The following ADAM19 variants were observed in gnomAD, a reference collection of about 807,000 sequenced individuals.
ADAM19 encodes disintegrin and metalloproteinase domain-containing protein 19.
ADAM19 carries 65 observed loss-of-function variants against 114.7 expected under a neutral mutation model. The observed-to-expected ratio is 0.57, with a 90% confidence interval of 0.46 to 0.70. ADAM19 has a LOEUF of 0.70. Among genes scored for constraint, ADAM19 ranks in the 30% least tolerant of loss-of-function variants. The pLI is 0.00. For missense variants in ADAM19, 1,063 were observed against 1,204.7 expected (o/e 0.88, Z 1.74); for synonymous variants, 466 against 460.5 (o/e 1.01, Z -0.15).
At chr5:157,568,501 C>A (rs1757732020) in intron 2 of ADAM19, 1 of 152,204 alleles carries the variant, frequency 6.6e-6, no homozygotes, top group Admixed American at 6.5e-5. Context: ...GCACCATCAG[C>A]TCTCCTCTCC....
chr5:157,490,246 C>T, intron 19 of ADAM19, 64 bp downstream of exon 19: 1 of 1,585,188 alleles, frequency 6.3e-7, no homozygotes, highest in Non-Finnish European at 8.6e-7. Context: ...TTGCTAAGTA[C>T]CATTTATGGA....
intron 3 of ADAM19, among the ~76,000 whole-genome samples, chr5:157,554,920 A>G (rs921974077): frequency 2.8e-4 from 43 of 152,188 alleles, no homozygotes; most frequent in African/African-American, 9.7e-4. Context: ...ACCTGCCTGG[A>G]TTACACTATC....
In ADAM19 at chr5:157,478,665, G is replaced by A. The variant is rs1168251360; in HGVS notation, c.*2284C>T. ...GAACAGAGCCAGGAGTGAAGCATTA[G>A]TAGAACTGGTTGCCGAAAGTCTATC... On this transcript the variant is annotated 3_prime_UTR_variant, in exon 23 of 23. Coordinates refer to ENST00000257527, the MANE Select transcript of ADAM19 (RefSeq NM_033274.5). 3.0e-6 allele frequency: 3 copies of A among 985,782 alleles called. No individual in the cohort carries two copies. The Admixed American group carries it at 1.8e-4, about 61-fold the overall frequency. The allele number at this position is 985,782 out of a possible 1,614,324, so 61.1% of individuals were successfully genotyped here.
intron 21 of ADAM19, among the ~76,000 whole-genome samples, chr5:157,483,797 C>T (rs1754839398): frequency 1.3e-5 from 2 of 152,034 alleles, no homozygotes; most frequent in Admixed American, 1.3e-4. Flanking sequence ...CCATGCCCAG[C>T]TAATTTTTGT....
chr5:157,530,763 T>G (rs762308974), intron 5 of ADAM19, 44 bp downstream of exon 5: 2 of 1,539,104 alleles, frequency 1.3e-6, no homozygotes, highest in East Asian at 2.2e-5. Context: ...CTTCCATTCC[T>G]GGGGAGAGTG....
rs375646707 is a variant in ADAM19, at chr5:157,481,028, A to G, written c.2704-26T>C. On this transcript the variant is annotated intron_variant, in intron 22 of 22. Coordinates refer to ENST00000257527, the MANE Select transcript of ADAM19 (RefSeq NM_033274.5). Reference sequence around the variant, plus strand: ...CTGGGAAGAAAAAGAAGGGAGGGAGAGAGACATCAGCTTGATGCTGATCAA... The same window carrying G: ...CTGGGAAGAAAAAGAAGGGAGGGAGGGAGACATCAGCTTGATGCTGATCAA... 4 of 1,613,846 alleles carry G rather than the reference A, an allele frequency of 2.5e-6. No homozygotes were observed. In the African/African-American group the frequency reaches 4.0e-5, roughly 16 times the overall value.
intron 5 of ADAM19, among the ~76,000 whole-genome samples, chr5:157,528,711 A>G (rs1444289749): frequency 6.6e-6 from 1 of 152,194 alleles, no homozygotes; most frequent in Non-Finnish European, 1.5e-5. Context: ...CCATTTGTAT[A>G]GGAGCCTGCA....
chr5:157,560,835 T>C (rs1757490700), intron 3 of ADAM19, among the ~76,000 whole-genome samples: 1 of 152,256 alleles, frequency 6.6e-6, no homozygotes, highest in Admixed American at 6.5e-5. Flanking sequence ...ACAATGAGCA[T>C]GCTTTGCTTT....
intron 8 of ADAM19, among the ~76,000 whole-genome samples, chr5:157,512,952 A>C (rs1392435886): frequency 6.6e-6 from 1 of 152,170 alleles, no homozygotes; most frequent in Non-Finnish European, 1.5e-5. Context: ...AAGGAACCTT[A>C]AAGAACCTTA....
intron 14 of ADAM19, among the ~76,000 whole-genome samples, chr5:157,495,931 G>GTATTTTTTTTTT: frequency 8.4e-6 from 1 of 118,792 alleles, no homozygotes; most frequent in African/African-American, 3.1e-5. Flanking sequence ...ACTGTGCCCA[G>GTATTTTTTTTTT]TCTTTTTTTT....
intron 9 of ADAM19, among the ~76,000 whole-genome samples, chr5:157,508,950 G>A (rs1383892074): frequency 4.6e-5 from 7 of 152,364 alleles, no homozygotes; most frequent in Non-Finnish European, 7.3e-5. Flanking sequence ...AGAACAAAGC[G>A]CCAGGAAGAT....
chr5:157,522,456 C>T (rs569392477), intron 5 of ADAM19, among the ~76,000 whole-genome samples: 1 of 152,306 alleles, frequency 6.6e-6, no homozygotes, highest in South Asian at 2.1e-4. Flanking sequence ...CCAAGTCCCA[C>T]AACCTTACCC....
intron 9 of ADAM19, 130 bp from the exon 10 acceptor site, chr5:157,507,270 A>G: frequency 3.7e-6 from 3 of 820,422 alleles, no homozygotes; most frequent in South Asian, 3.2e-5. Context: ...CCAAGGGGAG[A>G]GGCCCTTGTA....
Position 157,480,654 on chromosome 5 carries a change from T to C in ADAM19, c.*295A>G. ...AGCATCTCCATCAGCACCTCGGGGC[T>C]AGGAGTCTGGAGGAGAAGCTGCCAG... On this transcript the variant is annotated 3_prime_UTR_variant, in exon 23 of 23. Coordinates refer to ENST00000257527, the MANE Select transcript of ADAM19 (RefSeq NM_033274.5). The C allele has an allele frequency of 8.2e-7, 1 of 1,223,916 alleles. No homozygotes were observed. The highest frequency in any genetic ancestry group is 1.0e-6 in the Non-Finnish European group (1 of 974,612). 75.8% of individuals were successfully genotyped at this position (1,223,916 alleles called of 1,614,324 possible).
At chr5:157,536,222 G>A (rs879447279) in intron 4 of ADAM19, among the ~76,000 whole-genome samples, 11 of 152,146 alleles carry the variant, frequency 7.2e-5, no homozygotes, top group Admixed American at 2.6e-4. Context: ...AACTGTGGCC[G>A]GGCACAGTGG....
intron 5 of ADAM19, among the ~76,000 whole-genome samples, chr5:157,526,425 T>C (rs76738052): frequency 6.6e-6 from 1 of 152,146 alleles, no homozygotes; most frequent in East Asian, 1.9e-4. Context: ...AGTAAACAAC[T>C]TACCAACCAG....
chr5:157,528,643 A>G lies in ADAM19; in HGVS notation c.407+2164T>C, dbSNP rs150670035. Among the ~76,000 whole-genome samples the G allele has an allele frequency of 3.0e-3, 457 of 152,312 alleles. 3 individuals are homozygous for G. The highest frequency in any genetic ancestry group is 3.6e-3 in the Non-Finnish European group (244 of 68,026). ...AGCCAACTCACCATGCAGCATTCAA[A>G]CAAAGTCATGGCCCAATTTATAAAC... On this transcript the variant is annotated intron_variant, in intron 5 of 22. Transcript: ENST00000257527.
chr5:157,518,940 T>C, intron 6 of ADAM19, 52 bp from the exon 7 acceptor site: 1 of 1,515,394 alleles, frequency 6.6e-7, no homozygotes, highest in Non-Finnish European at 9.1e-7. Flanking sequence ...TTGGCCTCAT[T>C]TTTAAAAAAC....
At chr5:157,489,279 G>C in intron 19 of ADAM19, 93 bp from the exon 20 acceptor site, 1 of 884,216 alleles carries the variant, frequency 1.1e-6, no homozygotes, top group Non-Finnish European at 1.9e-6. Context: ...CGGCCAGCAA[G>C]CAGCTAAATC....
Sources: gnomAD v4.1 joint callset for allele counts (sites outside exome capture counted in the v4.1 genomes callset) on GRCh38, gnomAD v4.1.1 for gene constraint, MANE v1.5 for transcripts, NCBI Gene and HGNC (gene_info 2026-07-23, HGNC 2026-07-21) for gene names.